The following RBBP6 variants were observed in gnomAD, a reference collection of about 807,000 sequenced individuals.
The protein encoded by RBBP6 is E3 ubiquitin-protein ligase RBBP6.
A neutral mutation model predicts 167.7 loss-of-function variants in RBBP6; 25 were observed. The observed-to-expected ratio is 0.15, with a 90% CI of 0.11 to 0.21. RBBP6 has a LOEUF of 0.21. Ranked by LOEUF, RBBP6 falls within the 10% of genes least tolerant of loss-of-function variation. The pLI is 1.00. For missense variants in RBBP6, 1,868 were observed against 2,134.2 expected, an observed-to-expected ratio of 0.88 and a Z score of 2.46; for synonymous variants, 789 against 735.8, an observed-to-expected ratio of 1.07 and a Z score of -1.17.
chr16:24,561,806 TATG>T lies in RBBP6; in HGVS notation c.952-17_952-15del, dbSNP rs1245516118. 1 of 1,607,502 alleles carries T rather than the reference TATG, an allele frequency of 6.2e-7. No homozygotes were observed. Among genetic ancestry groups the T allele is most frequent in the Non-Finnish European group, 8.5e-7 (1 of 1,174,952 alleles). ...ACTGCATAACATTTTTCTGCATTAT[TATG>T]CTTGGTATCTGTAGGCTGTAAATAA... On this transcript the variant is annotated splice_polypyrimidine_tract_variant and intron_variant, in intron 9 of 17. Transcript: ENST00000319715.
chr16:24,562,733 G>T (rs1403888057), intron 10 of RBBP6, among the ~76,000 whole-genome samples: 3 of 150,180 alleles, frequency 2.0e-5, no homozygotes, highest in Admixed American at 1.3e-4. Context: ...ACACACTGAA[G>T]CAAAATCTTT....
chr16:24,542,279 C>T (rs773008355), intron 1 of RBBP6, among the ~76,000 whole-genome samples: 2 of 152,124 alleles, frequency 1.3e-5, no homozygotes, highest in Middle Eastern at 3.4e-3. Context: ...AAGTTTGGGC[C>T]ATCTTGACAT....
At chr16:24,561,519 A>G in intron 8 of RBBP6, 93 bp from the exon 9 acceptor site, 2 of 1,056,720 alleles carry the variant, frequency 1.9e-6, no homozygotes, top group Non-Finnish European at 2.8e-6. Flanking sequence ...ACAGTAATGT[A>G]ACTGAACAAA....
chr16:24,566,424 T>C (rs1899195656), intron 14 of RBBP6, among the ~76,000 whole-genome samples: 1 of 152,160 alleles, frequency 6.6e-6, no homozygotes, highest in Non-Finnish European at 1.5e-5. Context: ...ACTTCCTCCC[T>C]CAAAAAAGAG....
At position 24,546,281 on chromosome 16, in the gene RBBP6, G is replaced by T. The variant is rs1898648142; in HGVS notation, c.266+19G>T. ...ATGTTATGTAAGTATCAAATCTCAT[G>T]TATTTCTCAAAATAGACTTTTTTTA... On this transcript the variant is annotated intron_variant, in intron 2 of 17. Transcript: ENST00000319715. 1.5e-5 allele frequency: 23 copies of T among 1,528,830 alleles called. No homozygotes were observed. Among genetic ancestry groups the T allele is most frequent in the Non-Finnish European group, 1.9e-5 (22 of 1,148,082 alleles). 94.7% of individuals were successfully genotyped at this position (1,528,830 alleles called of 1,614,324 possible).
intron 4 of RBBP6, 80 bp from the exon 5 acceptor site, chr16:24,555,535 A>C: frequency 1.9e-6 from 2 of 1,065,812 alleles, no homozygotes; most frequent in Non-Finnish European, 2.8e-6. Flanking sequence ...TGCTCTTTAC[A>C]GGATGAGTGG....
Position 24,561,818 on chromosome 16 carries a change from C to T in RBBP6, c.952-6C>T. The T allele has an allele frequency of 6.2e-7, 1 of 1,609,572 alleles. No individual in the cohort carries two copies. Among genetic ancestry groups the T allele is most frequent in the Non-Finnish European group, 8.5e-7 (1 of 1,176,752 alleles). ...TTTTCTGCATTATTATGCTTGGTAT[C>T]TGTAGGCTGTAAATAACTTCAAAAA... is the stretch of plus-strand genomic sequence containing the variant. On this transcript the variant is annotated splice_polypyrimidine_tract_variant and splice_region_variant and intron_variant, in intron 9 of 17. Transcript: ENST00000319715.
chr16:24,557,627 G>T (rs1240057235), intron 7 of RBBP6, among the ~76,000 whole-genome samples: 1 of 152,022 alleles, frequency 6.6e-6, no homozygotes, highest in East Asian at 1.9e-4. Flanking sequence ...GAAGTTATGT[G>T]ATAAGACCCT....
chr16:24,544,178 A>G (rs1442499002), intron 1 of RBBP6, among the ~76,000 whole-genome samples: 2 of 152,222 alleles, frequency 1.3e-5, no homozygotes, highest in African/African-American at 2.4e-5. Flanking sequence ...GAGTTGTTAC[A>G]TATTCAGAAA....
At chr16:24,561,476 T>C (rs1409697297) in intron 8 of RBBP6, 136 bp from the exon 9 acceptor site, 7 of 710,544 alleles carry the variant, frequency 9.9e-6, no homozygotes, top group Non-Finnish European at 1.6e-5. Context: ...AGTTTCTTAA[T>C]CTAAGAAATG....
rs772826182 is a variant in RBBP6 at position 24,568,831 on chromosome 16, C to T, written c.2141C>T (p.Ser714Phe). 1.2e-6 allele frequency: 2 copies of T among 1,614,142 alleles called. No homozygotes were observed. Among genetic ancestry groups the T allele is most frequent in the Non-Finnish European group, 8.5e-7 (1 of 1,180,060 alleles). ...AGATCTGGTTCAACACGTTCACGCTCTTATTCTCGATCATTCAGCCGCTCA... is the reference window on the plus strand; with the variant it reads ...AGATCTGGTTCAACACGTTCACGCTTTTATTCTCGATCATTCAGCCGCTCA... ...KSRSGSTRSR[S>F]YSRSFSRSHS... is the part of the protein sequence containing the mutation. The change falls in exon 17 of 18, where the codon TCT (serine) becomes TTT (phenylalanine). Residue 714 changes from serine to phenylalanine, a missense_variant. By Grantham distance (155) the Ser-to-Phe change is radical (BLOSUM62 -2). Coordinates refer to ENST00000319715, the MANE Select transcript of RBBP6 (RefSeq NM_006910.5).
At chr16:24,542,839 C>T (rs1898538869) in intron 1 of RBBP6, among the ~76,000 whole-genome samples, 1 of 151,700 alleles carries the variant, frequency 6.6e-6, no homozygotes, top group Non-Finnish European at 1.5e-5. Flanking sequence ...TTTTTTTTTC[C>T]TAGCCCAGGA....
chr16:24,549,131 A>G lies in RBBP6; in HGVS notation c.303+150A>G, dbSNP rs1444005097. Reference sequence around the variant, plus strand: ...TATTTTGATGACAGCTCAGTTGAATATGGATAATATGTGGCATCACTTGCA... The same window carrying G: ...TATTTTGATGACAGCTCAGTTGAATGTGGATAATATGTGGCATCACTTGCA... On this transcript the variant is annotated intron_variant, in intron 3 of 17. Transcript: ENST00000319715. The G allele has an allele frequency of 3.4e-6, 5 of 1,483,120 alleles. No homozygotes were observed. In the African/African-American group the frequency reaches 7.0e-5, roughly 21 times the overall value. 91.9% of individuals were successfully genotyped at this position (1,483,120 alleles called of 1,614,324 possible).
intron 4 of RBBP6, chr16:24,554,764 G>GT (rs1898874781): frequency 1.5e-5 from 2 of 136,680 alleles, no homozygotes; most frequent in African/African-American, 5.4e-5. Context: ...TTGGGGGATT[G>GT]GTTTTTTTTT....
In RBBP6 at chr16:24,572,208, C is replaced by T; in HGVS notation, c.5142C>T (p.His1714=). The change falls in exon 18 of 18, where the codon CAC becomes CAT. Residue 1714 remains histidine, a synonymous_variant. Transcript: ENST00000319715. ...CTTCTGGAAGCCAGACCCGAAGCCA[C>T]AGTAGCAGTGCCAGCTCAGCAGAAA... The part of the protein sequence containing the change: ...HSPSGSQTRS[H]SSSASSAESQ... 6.2e-7 allele frequency: 1 copy of T among 1,613,908 alleles called. No individual in the cohort carries two copies. Among genetic ancestry groups the T allele is most frequent in the Non-Finnish European group, 8.5e-7 (1 of 1,180,014 alleles).
At chr16:24,570,763 T>G (rs1322876818) in intron 17 of RBBP6, 113 bp from the exon 18 acceptor site, 2 of 1,017,520 alleles carry the variant, frequency 2.0e-6, no homozygotes, top group African/African-American at 1.7e-5. Flanking sequence ...TTTTTTGTTT[T>G]TTTTAATGTT....
rs780334990 is a variant in RBBP6, at chr16:24,568,875, C to T, written c.2185C>T (p.Arg729Trp). 7.4e-6 allele frequency: 12 copies of T among 1,614,208 alleles called. No individual in the cohort carries two copies. Among genetic ancestry groups the T allele is most frequent in the South Asian group, 3.3e-5 (3 of 91,092 alleles). The stretch of plus-strand genomic sequence containing the variant: ...CCGCTCACATTCTCGTTCCTATTCA[C>T]GGTCACCTCCATACCCCAGAAGAGG... ...FSRSHSRSYS[R>W]SPPYPRRGRG... The change falls in exon 17 of 18, where the codon CGG becomes TGG. Residue 729 changes from arginine to tryptophan, a missense_variant. Transcript: ENST00000319715.
chr16:24,554,067 A>C (rs1275246368), intron 4 of RBBP6: 1 of 152,690 alleles, frequency 6.5e-6, no homozygotes, highest in Non-Finnish European at 1.5e-5. Context: ...GAACAACCTA[A>C]TTTGTTTGAA....
At position 24,546,560 on chromosome 16, in the gene RBBP6, C is replaced by CT. The variant is rs1038901286; in HGVS notation, c.266+306dup. ...TTATTTCTGTGCCTTTCTTTGACTA[C>CT]TTTTTTTTGTGGGGGTTCCTTCAGT... On this transcript the variant is annotated intron_variant, in intron 2 of 17. Transcript: ENST00000319715. Among the ~76,000 whole-genome samples the CT allele has an allele frequency of 5.3e-5, 8 of 152,070 alleles. No homozygotes were observed. In the East Asian group the frequency reaches 7.7e-4, roughly 15 times the overall value.
Sources: gnomAD v4.1 joint callset for allele counts (sites outside exome capture counted in the v4.1 genomes callset) on GRCh38, gnomAD v4.1.1 for gene constraint, MANE v1.5 for transcripts, NCBI Gene and HGNC (gene_info 2026-07-23, HGNC 2026-07-21) for gene names.